Variants in SH3GL2 observed in about 807,000 individuals in gnomAD.
SH3GL2 encodes SH3 domain containing GRB2 like 2, endophilin A1, also known as endophilin-A1.
SH3GL2 carries 24 observed loss-of-function variants against 46.0 expected under a neutral mutation model. That is an observed-to-expected ratio of 0.52 (90% CI 0.38 to 0.73). SH3GL2 has a LOEUF of 0.73. Among genes scored for constraint, SH3GL2 ranks in the 30% least tolerant of loss-of-function variants. The probability of loss-of-function intolerance (pLI) is 0.00; values close to 1 mark genes in which losing one functional copy is unlikely to be tolerated. For missense variants in SH3GL2, 413 were observed against 424.2 expected (o/e 0.97, Z 0.23); for synonymous variants, 196 against 147.1 (o/e 1.33, Z -2.40).
intron 1 of SH3GL2, among the ~76,000 whole-genome samples, chr9:17,666,545 C>CCT: frequency 7.0e-6 from 1 of 142,148 alleles, no homozygotes; most frequent in South Asian, 2.3e-4. Flanking sequence ...ACAAAGGTAA[C>CCT]GTGTGTGTGT....
At chr9:17,768,152 A>G (rs1823370279) in intron 3 of SH3GL2, among the ~76,000 whole-genome samples, 1 of 152,088 alleles carries the variant, frequency 6.6e-6, no homozygotes, top group South Asian at 2.1e-4. Context: ...TGGGCGGATC[A>G]CGAGATCAGG....
Position 17,776,659 on chromosome 9 carries a change from A to G in SH3GL2, c.188-9722A>G, listed in dbSNP as rs955038386. ...ATTCTTTGTACTTTGCATTTTCAAA[A>G]TGTCCCATCTTTTTTTTTTTTTAAG... On this transcript the variant is annotated intron_variant, in intron 3 of 8. Coordinates refer to ENST00000380607, the MANE Select transcript of SH3GL2 (RefSeq NM_003026.5). Among the ~76,000 whole-genome samples, 8 of 124,096 alleles carry G rather than the reference A, an allele frequency of 6.4e-5. No individual in the cohort carries two copies. The Admixed American group carries it at 7.0e-4, about 11-fold the overall frequency. The allele number at this position is 124,096 out of a possible 152,430, so 81.4% of individuals were successfully genotyped here.
At chr9:17,612,142 A>G (rs1293954685) in intron 1 of SH3GL2, among the ~76,000 whole-genome samples, 1 of 152,064 alleles carries the variant, frequency 6.6e-6, no homozygotes, top group Non-Finnish European at 1.5e-5. Context: ...CCGGCTCTTC[A>G]AGGGTGGCAT....
At chr9:17,587,634 T>A (rs1278579190) in intron 1 of SH3GL2, among the ~76,000 whole-genome samples, 1 of 152,132 alleles carries the variant, frequency 6.6e-6, no homozygotes, top group Non-Finnish European at 1.5e-5. Context: ...TCCCCGCACT[T>A]TGGGAGGCCG....
At position 17,604,594 on chromosome 9, in the gene SH3GL2, C is replaced by G. The variant is rs145797828; in HGVS notation, c.45+25307C>G. ...TGCTGCTTAATTTCTCCTTGTTACC[C>G]AGTGCATGAAGTAAGGATGGGTGAA... is the stretch of plus-strand genomic sequence containing the variant. On this transcript the variant is annotated intron_variant, in intron 1 of 8. Transcript: ENST00000380607. Among the ~76,000 whole-genome samples the G allele has an allele frequency of 1.8e-4, 27 of 152,244 alleles. No individual in the cohort carries two copies. The East Asian group carries it at 3.3e-3, about 19-fold the overall frequency.
At chr9:17,753,803 A>G (rs1297518391) in intron 2 of SH3GL2, among the ~76,000 whole-genome samples, 3 of 152,066 alleles carry the variant, frequency 2.0e-5, no homozygotes, top group East Asian at 1.9e-4. Flanking sequence ...GGTTTTTATG[A>G]TTCGGAGTTT....
chr9:17,694,642 T>A (rs571729747), intron 1 of SH3GL2, among the ~76,000 whole-genome samples: 1 of 152,232 alleles, frequency 6.6e-6, no homozygotes, highest in Admixed American at 6.5e-5. Flanking sequence ...AGAGTGTGAA[T>A]GGTATAAGTT....
At position 17,797,010 on chromosome 9, in the gene SH3GL2, T is replaced by C. The variant is rs1824289094; in HGVS notation, c.*1267T>C. 1 of 152,656 alleles carries C rather than the reference T, an allele frequency of 6.6e-6. No individual in the cohort carries two copies. The highest frequency in any genetic ancestry group is 2.4e-5 in the African/African-American group (1 of 41,462). The allele number at this position is 152,656 out of a possible 1,614,324, so 9.5% of individuals were successfully genotyped here. A position where few individuals can be genotyped will look rare whatever the true frequency, so the allele number is the denominator to read the frequency against. ...CAGAGGTTTAACGTGCTGCTTCCGA[T>C]GTGCCACCTGCAGTAGTGGATCATG... On this transcript the variant is annotated 3_prime_UTR_variant, in exon 9 of 9. Transcript: ENST00000380607.
At chr9:17,597,485 C>G (rs1158243460) in intron 1 of SH3GL2, among the ~76,000 whole-genome samples, 1 of 151,766 alleles carries the variant, frequency 6.6e-6, no homozygotes, top group Non-Finnish European at 1.5e-5. Context: ...CCACTGCACT[C>G]CAGCCTGGGC....
At chr9:17,665,751 G>C (rs1820326175) in intron 1 of SH3GL2, among the ~76,000 whole-genome samples, 1 of 151,588 alleles carries the variant, frequency 6.6e-6, no homozygotes, top group Non-Finnish European at 1.5e-5. Context: ...CTGGAGAGTG[G>C]TGTTCAGGTC....
intron 1 of SH3GL2, among the ~76,000 whole-genome samples, chr9:17,611,794 G>T (rs769844814): frequency 6.6e-6 from 1 of 152,214 alleles, no homozygotes; most frequent in Non-Finnish European, 1.5e-5. Flanking sequence ...TCTGTCTTCA[G>T]TGCCAACAGA....
At chr9:17,587,172 A>G (rs1459752781) in intron 1 of SH3GL2, among the ~76,000 whole-genome samples, 1 of 152,220 alleles carries the variant, frequency 6.6e-6, no homozygotes, top group Non-Finnish European at 1.5e-5. Flanking sequence ...GTTGCACTCC[A>G]GCCTGGGCGA....
At chr9:17,773,549 A>G (rs757126170) in intron 3 of SH3GL2, among the ~76,000 whole-genome samples, 2 of 152,030 alleles carry the variant, frequency 1.3e-5, no homozygotes, top group Non-Finnish European at 1.5e-5. Context: ...TCCCAGCACC[A>G]TTGGTTGAAA....
intron 1 of SH3GL2, among the ~76,000 whole-genome samples, chr9:17,652,012 A>G (rs1819970602): frequency 6.6e-6 from 1 of 152,174 alleles, no homozygotes; most frequent in Non-Finnish European, 1.5e-5. Context: ...TTAGTGGTTC[A>G]TTAATCAGTC....
At chr9:17,757,680 G>A (rs571752114) in intron 2 of SH3GL2, among the ~76,000 whole-genome samples, 62 of 152,242 alleles carry the variant, frequency 4.1e-4, no homozygotes, top group Non-Finnish European at 7.5e-4. Context: ...AAAAATAACA[G>A]TTACATGTCA....
chr9:17,664,503 G>C (rs891790587), intron 1 of SH3GL2, among the ~76,000 whole-genome samples: 1 of 151,992 alleles, frequency 6.6e-6, no homozygotes, highest in African/African-American at 2.4e-5. Context: ...GAGCTCACAT[G>C]GTTGTCAGAC....
chr9:17,653,945 G>A, intron 1 of SH3GL2: 1 of 630,114 alleles, frequency 1.6e-6, no homozygotes, highest in Non-Finnish European at 2.0e-6. Context: ...GAAATGACTA[G>A]GCAGATCTTC....
rs369116747 is a variant in SH3GL2 at position 17,619,677 on chromosome 9, C to CA, written c.45+40400dup. The stretch of plus-strand genomic sequence containing the variant: ...GGGCAACAAGAGTGAAACTCCATCT[C>CA]AAAAAAAAAATAAAATAAAATAAGT... On this transcript the variant is annotated intron_variant, in intron 1 of 8. Coordinates refer to ENST00000380607, the MANE Select transcript of SH3GL2 (RefSeq NM_003026.5). Among the ~76,000 whole-genome samples the CA allele has an allele frequency of 8.8e-3, 1,291 of 146,264 alleles. 21 individuals carry two copies. The highest frequency in any genetic ancestry group is 0.03 in the African/African-American group (1,168 of 39,366).
At position 17,752,656 on chromosome 9, in the gene SH3GL2, C is replaced by G. The variant is rs145322122; in HGVS notation, c.114+5522C>G. ...AGGACTACCAGCACACACCACCATGCCTGCCTAATTTTTATTATTTATTTG... is the reference window on the plus strand; with the variant it reads ...AGGACTACCAGCACACACCACCATGGCTGCCTAATTTTTATTATTTATTTG... On this transcript the variant is annotated intron_variant, in intron 2 of 8. Transcript: ENST00000380607. Among the ~76,000 whole-genome samples the G allele has an allele frequency of 4.1e-3, 620 of 152,130 alleles. 3 individuals carry two copies. Among genetic ancestry groups the G allele is most frequent in the African/African-American group, 0.014 (596 of 41,506 alleles).
Sources: gnomAD v4.1 joint callset for allele counts (sites outside exome capture counted in the v4.1 genomes callset) on GRCh38, gnomAD v4.1.1 for gene constraint, MANE v1.5 for transcripts, NCBI Gene and HGNC (gene_info 2026-07-23, HGNC 2026-07-21) for gene names.